The following CREBRF variants were observed in gnomAD, a reference collection of about 807,000 sequenced individuals.
CREBRF encodes the protein UPF0474 protein C5orf41.
CREBRF carries 5 observed loss-of-function variants against 66.1 expected under a neutral mutation model. The observed-to-expected ratio is 0.08, with a 90% confidence interval of 0.04 to 0.16. The LOEUF is 0.16. Ranked by LOEUF, CREBRF falls within the 10% of genes least tolerant of loss-of-function variation. The pLI is 1.00. For missense variants in CREBRF, 531 were observed against 744.9 expected, an observed-to-expected ratio of 0.71 and a Z score of 3.34; for synonymous variants, 229 against 264.4, an observed-to-expected ratio of 0.87 and a Z score of 1.30.
In CREBRF at chr5:173,117,198, G is replaced by A. The variant is rs183681864; in HGVS notation, c.1681+4819G>A. Reference sequence around the variant, plus strand: ...GTTCGAGACCAGCCTGGCCAACATAGTGAAATCCCATTTCTACTAAAAATA... The same window carrying A: ...GTTCGAGACCAGCCTGGCCAACATAATGAAATCCCATTTCTACTAAAAATA... On this transcript the variant is annotated intron_variant, in intron 7 of 8. Coordinates refer to ENST00000296953, the MANE Select transcript of CREBRF (RefSeq NM_153607.3). Among the ~76,000 whole-genome samples, 209 of 152,022 alleles carry A rather than the reference G, an allele frequency of 1.4e-3. 2 individuals carry two copies. Among genetic ancestry groups the A allele is most frequent in the African/African-American group, 4.8e-3 (200 of 41,468 alleles).
At position 173,127,705 on chromosome 5, in the gene CREBRF, A is replaced by G. The variant is rs372272888; in HGVS notation, c.1804+4503A>G. Among the ~76,000 whole-genome samples, 147 of 151,190 alleles carry G rather than the reference A, an allele frequency of 9.7e-4. No individual in the cohort carries two copies. The East Asian group carries it at 0.027, about 28-fold the overall frequency. ...AAACTCCTAACCTCGTGATCCACCC[A>G]CCTCAGCCTCCCAAAGTGCTGGGAT... On this transcript the variant is annotated intron_variant, in intron 8 of 8. Transcript: ENST00000296953.
At chr5:173,065,713 T>C (rs995118682) in intron 1 of CREBRF, among the ~76,000 whole-genome samples, 1 of 149,854 alleles carries the variant, frequency 6.7e-6, no homozygotes, top group East Asian at 2.0e-4. Context: ...GGCACAGTCA[T>C]GGTTCACTGC....
At chr5:173,084,490 C>T (rs1758067680) in intron 2 of CREBRF, among the ~76,000 whole-genome samples, 1 of 152,142 alleles carries the variant, frequency 6.6e-6, no homozygotes, top group Non-Finnish European at 1.5e-5. Flanking sequence ...TGGTACTAAT[C>T]ACTTTTCTGA....
chr5:173,124,842 T>TG (rs1759228400), intron 8 of CREBRF, among the ~76,000 whole-genome samples: 1 of 151,954 alleles, frequency 6.6e-6, no homozygotes, highest in Non-Finnish European at 1.5e-5. Context: ...TGGCTCTTTT[T>TG]GGCCCATCTT....
chr5:173,094,519 T>C (rs933868935), intron 4 of CREBRF, among the ~76,000 whole-genome samples: 12 of 152,180 alleles, frequency 7.9e-5, no homozygotes, highest in Non-Finnish European at 1.8e-4. Context: ...CTTTCGTTTG[T>C]ATTTCTCTGA....
chr5:173,077,326 C>G (rs931018321), intron 1 of CREBRF, among the ~76,000 whole-genome samples: 1 of 152,144 alleles, frequency 6.6e-6, no homozygotes, highest in Admixed American at 6.6e-5. Flanking sequence ...TTTTAATCAT[C>G]TTTAGCTGTA....
chr5:173,134,224 A>G lies in CREBRF; in HGVS notation c.*479A>G, dbSNP rs1759536271. ...CACCCAGCACTTGTGCCTGTGGGCCATATTAGATGTTCATTGTCAGAGCTC... is the reference window on the plus strand; with the variant it reads ...CACCCAGCACTTGTGCCTGTGGGCCGTATTAGATGTTCATTGTCAGAGCTC... On this transcript the variant is annotated 3_prime_UTR_variant, in exon 9 of 9. Coordinates refer to ENST00000296953, the MANE Select transcript of CREBRF (RefSeq NM_153607.3). The G allele has an allele frequency of 6.6e-6, 1 of 150,982 alleles. No homozygotes were observed. Among genetic ancestry groups the G allele is most frequent in the African/African-American group, 2.4e-5 (1 of 40,974 alleles). The allele number at this position is 150,982 out of a possible 1,614,324, so 9.4% of individuals were successfully genotyped here.
intron 1 of CREBRF, among the ~76,000 whole-genome samples, chr5:173,066,169 A>C (rs537277453): frequency 7.9e-4 from 120 of 152,282 alleles, no homozygotes; most frequent in South Asian, 2.1e-3. Context: ...CTTATTTTAC[A>C]TGTAAATAGC....
chr5:173,056,780 A>G (rs1220188914), intron 1 of CREBRF, among the ~76,000 whole-genome samples: 4 of 151,678 alleles, frequency 2.6e-5, no homozygotes, highest in Admixed American at 1.3e-4. Flanking sequence ...GGGGATGGGC[A>G]GCGCCGGGCG....
Position 173,090,880 on chromosome 5 carries a change from A to G in CREBRF, c.701A>G (p.Tyr234Cys), listed in dbSNP as rs749091388. 3.1e-6 allele frequency: 5 copies of G among 1,614,052 alleles called. No homozygotes were observed. Among genetic ancestry groups the G allele is most frequent in the East Asian group, 2.2e-5 (1 of 44,902 alleles). The change falls in exon 4 of 9, where the codon TAT becomes TGT. Residue 234 changes from tyrosine to cysteine, a missense_variant. By Grantham distance (194) the Tyr-to-Cys change is radical (BLOSUM62 -2). Around this residue, in one of 5 missense-constraint regions of CREBRF, gnomAD observed 309 missense variants for 341.4 expected, o/e 0.90. Transcript: ENST00000296953. This position sits in a 1 kb window ranked among gnomAD's most constrained non-coding sequence, Gnocchi z 4.5. The stretch of plus-strand genomic sequence containing the variant: ...AACTTTCATGTTGAATGTAAAGACT[A>G]TGTAAAAAAGGCAAAGGTAAAGATC... Reference protein sequence around the residue: ...KVNFHVECKDYVKKAKVKINP... With the variant: ...KVNFHVECKDCVKKAKVKINP...
chr5:173,110,951 T>C (rs778494230), intron 6 of CREBRF, among the ~76,000 whole-genome samples: 60 of 152,282 alleles, frequency 3.9e-4, no homozygotes, highest in South Asian at 8.3e-4. Context: ...AATAAAAAAT[T>C]TTTTCATAGC....
At chr5:173,103,247 T>C (rs535294056) in intron 4 of CREBRF, among the ~76,000 whole-genome samples, 1 of 152,342 alleles carries the variant, frequency 6.6e-6, no homozygotes, top group East Asian at 1.9e-4. Context: ...TCACTTTCAG[T>C]TGACTTGAAG....
intron 4 of CREBRF, among the ~76,000 whole-genome samples, chr5:173,104,144 T>C (rs557556607): frequency 8.3e-4 from 127 of 152,354 alleles, no homozygotes; most frequent in African/African-American, 2.9e-3. Flanking sequence ...GTTTATTTAC[T>C]GTTATGATTT....
chr5:173,097,755 T>C (rs1000168626), intron 4 of CREBRF, among the ~76,000 whole-genome samples: 3 of 152,186 alleles, frequency 2.0e-5, no homozygotes, highest in African/African-American at 7.2e-5. Context: ...CTTTCATTTA[T>C]AATTTTATTG....
intron 2 of CREBRF, among the ~76,000 whole-genome samples, chr5:173,082,014 T>TTTGTTTTTTTTTTTTTG (rs1554123742): frequency 8.8e-6 from 1 of 113,784 alleles, no homozygotes; most frequent in Non-Finnish European, 1.9e-5. Context: ...TTTTTTTTTT[T>TTTGTTTTTTTTTTTTTG]TTTTTTTTTT....
chr5:173,084,546 G>C (rs943770056), intron 2 of CREBRF, among the ~76,000 whole-genome samples: 2 of 152,200 alleles, frequency 1.3e-5, no homozygotes, highest in African/African-American at 4.8e-5. Context: ...AGGGGGAAGG[G>C]GGGACCATAC....
intron 4 of CREBRF, among the ~76,000 whole-genome samples, chr5:173,093,330 G>C (rs1327792848): frequency 1.3e-5 from 2 of 152,084 alleles, no homozygotes; most frequent in Non-Finnish European, 2.9e-5. Context: ...TTTCCCCCCA[G>C]CTTTATTGAG....
intron 4 of CREBRF, among the ~76,000 whole-genome samples, chr5:173,099,892 C>CTTTTT (rs530015508): frequency 7.4e-6 from 1 of 135,874 alleles, no homozygotes; most frequent in South Asian, 2.3e-4. Context: ...TTATATATAG[C>CTTTTT]TTTTTTTTTT....
chr5:173,057,500 G>A (rs1256000716), intron 1 of CREBRF: 1 of 152,288 alleles, frequency 6.6e-6, no homozygotes, highest in Non-Finnish European at 1.5e-5. Flanking sequence ...GGGCAGTCAA[G>A]CCTCCCCTGG....
Sources: gnomAD v4.1 joint callset for allele counts (sites outside exome capture counted in the v4.1 genomes callset) on GRCh38, gnomAD v4.1.1 for gene constraint, gnomAD v4.1.1 regional missense constraint, Gnocchi (gnomAD v3.1) non-coding constraint, MANE v1.5 for transcripts, NCBI Gene and HGNC (gene_info 2026-07-23, HGNC 2026-07-21) for gene names.